DDAH1: variants seen among roughly 807,000 people sequenced by gnomAD.
DDAH1 encodes the protein dimethylarginine dimethylaminohydrolase 1, also known as N(G),N(G)-dimethylarginine dimethylaminohydrolase 1.
Under a neutral mutation model 28.8 loss-of-function variants are expected in DDAH1, and 19 were observed. The observed-to-expected ratio is 0.66, with a 90% confidence interval of 0.46 to 0.97. DDAH1 has a LOEUF of 0.97. DDAH1 is among the 50% of genes least tolerant of loss of function. The probability of loss-of-function intolerance (pLI) is 0.00; values close to 1 mark genes in which losing one functional copy is unlikely to be tolerated. For missense variants in DDAH1, 326 were observed against 375.9 expected (o/e 0.87, Z 1.10); for synonymous variants, 153 against 154.4 (o/e 0.99, Z 0.07).
intron 1 of DDAH1, among the ~76,000 whole-genome samples, chr1:85,456,934 C>A (rs1324524538): frequency 1.3e-5 from 2 of 152,088 alleles, no homozygotes; most frequent in Non-Finnish European, 2.9e-5. Flanking sequence ...TTAAAGTAGA[C>A]TTTAGTCAAC....
At chr1:85,547,971 G>T (rs545612818) in intron 1 of DDAH1, among the ~76,000 whole-genome samples, 1 of 152,258 alleles carries the variant, frequency 6.6e-6, no homozygotes, top group East Asian at 1.9e-4. Flanking sequence ...GTTGACACAG[G>T]CCATTCGTTC....
At chr1:85,444,710 G>T (rs1654355365) in intron 1 of DDAH1, among the ~76,000 whole-genome samples, 1 of 152,144 alleles carries the variant, frequency 6.6e-6, no homozygotes, top group Admixed American at 6.5e-5. Context: ...TGTGCTGGAG[G>T]CTCAGAAGTG....
chr1:85,373,442 T>C (rs1052826392), intron 1 of DDAH1, among the ~76,000 whole-genome samples: 2 of 152,048 alleles, frequency 1.3e-5, no homozygotes, highest in African/African-American at 4.8e-5. Context: ...AGGGAGATGA[T>C]TGGATCATGG....
intron 1 of DDAH1, among the ~76,000 whole-genome samples, chr1:85,455,568 A>G (rs1297504656): frequency 6.6e-6 from 1 of 152,212 alleles, no homozygotes; most frequent in Non-Finnish European, 1.5e-5. Flanking sequence ...GGTTTGTAAG[A>G]AAGAATTACC....
chr1:85,471,349 C>G (rs1272830406), intron 2 of DDAH1, among the ~76,000 whole-genome samples: 1 of 152,114 alleles, frequency 6.6e-6, no homozygotes, highest in Non-Finnish European at 1.5e-5. Flanking sequence ...TTCTCTTTAC[C>G]TGCTCACACC....
At chr1:85,535,118 A>T (rs1306995867) in intron 1 of DDAH1, among the ~76,000 whole-genome samples, 5 of 152,232 alleles carry the variant, frequency 3.3e-5, no homozygotes, top group African/African-American at 9.7e-5. Context: ...TATTTTAAAA[A>T]TTAGTGATAC....
intron 1 of DDAH1, chr1:85,399,860 A>G (rs1338386492): frequency 6.6e-6 from 1 of 152,210 alleles, no homozygotes; most frequent in Non-Finnish European, 1.5e-5. Context: ...CTTTCTGTCT[A>G]TAAAACCAAC....
At chr1:85,472,024 G>A (rs1373054466) in intron 2 of DDAH1, among the ~76,000 whole-genome samples, 1 of 152,148 alleles carries the variant, frequency 6.6e-6, no homozygotes, top group Non-Finnish European at 1.5e-5. Context: ...TCAGAAACTA[G>A]AATCCCTCTT....
chr1:85,525,178 G>A (rs1321390560), intron 1 of DDAH1, among the ~76,000 whole-genome samples: 3 of 151,318 alleles, frequency 2.0e-5, no homozygotes, highest in Non-Finnish European at 2.9e-5. Flanking sequence ...TTTCTTTATC[G>A]AATTGACTAT....
intron 1 of DDAH1, among the ~76,000 whole-genome samples, chr1:85,443,845 G>A (rs1654314327): frequency 4.6e-5 from 7 of 152,154 alleles, no homozygotes. Flanking sequence ...GAATGCTTGT[G>A]ATTTTTGCAC....
chr1:85,445,679 T>C (rs1020264474), intron 1 of DDAH1, among the ~76,000 whole-genome samples: 2 of 152,204 alleles, frequency 1.3e-5, no homozygotes, highest in African/African-American at 2.4e-5. Context: ...GGTGCAAACA[T>C]GGCTCATTGA....
At chr1:85,545,451 C>G (rs1658590572) in intron 1 of DDAH1, among the ~76,000 whole-genome samples, 1 of 152,138 alleles carries the variant, frequency 6.6e-6, no homozygotes, top group East Asian at 1.9e-4. Context: ...ACTATTAAAA[C>G]ATGATAGAAA....
At chr1:85,482,338 G>A (rs775475496) in intron 2 of DDAH1, 1 of 152,140 alleles carries the variant, frequency 6.6e-6, no homozygotes, top group Non-Finnish European at 1.5e-5. Context: ...ACAAGTAGAT[G>A]CAGTCCTCAA....
intron 1 of DDAH1, among the ~76,000 whole-genome samples, chr1:85,431,246 T>C (rs569849323): frequency 6.6e-6 from 1 of 152,300 alleles, no homozygotes; most frequent in African/African-American, 2.4e-5. Flanking sequence ...TGAAGCCGAC[T>C]TGATTGTGGT....
intron 1 of DDAH1, among the ~76,000 whole-genome samples, chr1:85,446,164 T>C (rs569924298): frequency 1.3e-5 from 2 of 152,250 alleles, no homozygotes; most frequent in Non-Finnish European, 2.9e-5. Flanking sequence ...TGCCTGAGAT[T>C]GGGTAATTTA....
intron 1 of DDAH1, among the ~76,000 whole-genome samples, chr1:85,396,264 G>A (rs1651809409): frequency 1.3e-5 from 2 of 152,152 alleles, no homozygotes; most frequent in African/African-American, 4.8e-5. Flanking sequence ...AATTTATGAA[G>A]AAAAGAGGTT....
chr1:85,524,073 C>CT (rs1176337344), intron 1 of DDAH1, among the ~76,000 whole-genome samples: 9 of 150,848 alleles, frequency 6.0e-5, no homozygotes, highest in Admixed American at 2.6e-4. Flanking sequence ...TTACCAAGTA[C>CT]TTTTTTTTTC....
At chr1:85,429,922 T>C (rs541908830) in intron 1 of DDAH1, among the ~76,000 whole-genome samples, 1 of 152,198 alleles carries the variant, frequency 6.6e-6, no homozygotes, top group East Asian at 1.9e-4. Context: ...GTCAGATGGA[T>C]AGACTGCAAA....
chr1:85,526,023 T>C (rs1452805639), intron 1 of DDAH1, among the ~76,000 whole-genome samples: 40 of 152,364 alleles, frequency 2.6e-4, no homozygotes, highest in African/African-American at 9.6e-4. Flanking sequence ...AGCTCCTCTG[T>C]TTCAGAATGG....
Sources: allele counts gnomAD v4.1 joint callset (sites outside exome capture counted in the v4.1 genomes callset), GRCh38; gene constraint gnomAD v4.1.1; transcripts MANE v1.5; gene names NCBI Gene and HGNC (gene_info 2026-07-23, HGNC 2026-07-21).